DLGAP5: variants seen among roughly 807,000 people sequenced by gnomAD.
DLGAP5 encodes the protein DLG associated protein 5.
DLGAP5 carries 90 observed loss-of-function variants against 99.6 expected under a neutral mutation model. The ratio of observed to expected loss-of-function variants is 0.90; its 90% CI spans 0.76 to 1.08. The LOEUF is 1.08. DLGAP5 is among the 50% of genes least tolerant of loss of function. DLGAP5 has a pLI of 0.00. For missense variants in DLGAP5, 1,036 were observed against 983.5 expected, an observed-to-expected ratio of 1.05 and a Z score of -0.71; for synonymous variants, 311 against 321.3, an observed-to-expected ratio of 0.97 and a Z score of 0.34.
At chr14:55,186,287 A>G (rs1244837973) in intron 2 of DLGAP5, among the ~76,000 whole-genome samples, 1 of 152,204 alleles carries the variant, frequency 6.6e-6, no homozygotes, top group Non-Finnish European at 1.5e-5. Context: ...ATAAAAATAA[A>G]ATAAAATAAA....
chr14:55,169,806 G>C (rs1882789088), intron 11 of DLGAP5, among the ~76,000 whole-genome samples: 1 of 152,118 alleles, frequency 6.6e-6, no homozygotes, highest in Non-Finnish European at 1.5e-5. Context: ...TCTACTTCTT[G>C]TTGTACTTTA....
chr14:55,156,582 C>T (rs911723461), intron 14 of DLGAP5, among the ~76,000 whole-genome samples: 2 of 152,016 alleles, frequency 1.3e-5, no homozygotes, highest in Non-Finnish European at 2.9e-5. Flanking sequence ...AGAAGGGCCC[C>T]GAAAGTAAAG....
In DLGAP5 at chr14:55,177,248, G is replaced by A. The variant is rs771682040; in HGVS notation, c.863C>T (p.Ser288Leu). 1 of 1,613,228 alleles carries A rather than the reference G, an allele frequency of 6.2e-7. No individual in the cohort carries two copies. The highest frequency in any genetic ancestry group is 8.5e-7 in the Non-Finnish European group (1 of 1,179,696). Residue 288 changes from serine (S) to leucine (L), a missense_variant, in exon 8 of 19, where the codon TCA becomes TTA. Physicochemically the swap from Ser to Leu is moderately radical, Grantham distance 145. Transcript: ENST00000247191. ...TATCTCAGGTAAGTTTTCCATTTTT[G>A]ATAAGACTCCATCTGGATTCATTCC... ...TSGMNPDGVL[S>L]KMENLPEINT...
chr14:55,183,047 C>A (rs1883325535), intron 3 of DLGAP5, among the ~76,000 whole-genome samples: 1 of 152,008 alleles, frequency 6.6e-6, no homozygotes, highest in Non-Finnish European at 1.5e-5. Context: ...TTTCAATTTC[C>A]TTTACCCCTC....
chr14:55,148,677 G>T, intron 18 of DLGAP5: 1 of 968,480 alleles, frequency 1.0e-6, no homozygotes, highest in Non-Finnish European at 1.6e-6. Context: ...AACATAGCAA[G>T]ATCCCACCTC....
At chr14:55,148,530 ATTC>A in intron 18 of DLGAP5, 57 bp from the exon 19 acceptor site, 1 of 1,612,226 alleles carries the variant, frequency 6.2e-7, no homozygotes, top group Non-Finnish European at 8.5e-7. Flanking sequence ...TCACCAATTA[ATTC>A]TTCAACATTC....
At chr14:55,169,627 T>C (rs1265298664) in intron 11 of DLGAP5, 68 bp from the exon 12 acceptor site, 32 of 1,334,016 alleles carry the variant, frequency 2.4e-5, no homozygotes, top group Non-Finnish European at 3.2e-5. Flanking sequence ...GTCAGCCCAC[T>C]GATAAGACTT....
At chr14:55,165,059 G>T (rs113773209) in intron 12 of DLGAP5, among the ~76,000 whole-genome samples, 8,728 of 151,986 alleles carry the variant, frequency 0.057, 319 homozygotes, top group South Asian at 0.091. Flanking sequence ...TCTCATAAGG[G>T]ACTTTTATCC....
At chr14:55,171,659 TA>T (rs1882863687) in intron 10 of DLGAP5, among the ~76,000 whole-genome samples, 2 of 152,280 alleles carry the variant, frequency 1.3e-5, no homozygotes, top group South Asian at 4.1e-4. Context: ...CTCAAAGAGG[TA>T]TTTGTACACC....
rs577455918 is a variant in DLGAP5, at chr14:55,163,162, A to C, written c.1549-87T>G. 252 of 679,478 alleles carry C rather than the reference A, an allele frequency of 3.7e-4. 5 individuals carry two copies. In the South Asian group the frequency reaches 7.1e-3, roughly 19 times the overall value. The allele number at this position is 679,478 out of a possible 1,614,324, so 42.1% of individuals were successfully genotyped here. A position where few individuals can be genotyped will look rare whatever the true frequency, so the allele number is the denominator to read the frequency against. On this transcript the variant is annotated intron_variant, in intron 12 of 18. Transcript: ENST00000247191. Reference sequence around the variant, plus strand: ...AGCTGAAGACTAAAAAAAAATTAAAAATAGTGATTCAGAAATGATGAGTTA... The same window carrying C: ...AGCTGAAGACTAAAAAAAAATTAAACATAGTGATTCAGAAATGATGAGTTA...
chr14:55,165,454 T>C (rs113547579), intron 12 of DLGAP5, among the ~76,000 whole-genome samples: 212 of 151,590 alleles, frequency 1.4e-3, no homozygotes, highest in African/African-American at 4.6e-3. Context: ...GCCCAGGAAG[T>C]GGAGGTTGCA....
In DLGAP5 at chr14:55,178,627, G is replaced by T. The variant is rs1395578981; in HGVS notation, c.774+1002C>A. 3.3e-5 allele frequency among the ~76,000 whole-genome samples: 5 copies of T among 152,342 alleles called. No individual in the cohort carries two copies. The South Asian group carries it at 1.0e-3, about 32-fold the overall frequency. Reference sequence around the variant, plus strand: ...AATCCTTAAGGGTTAATCTTAAGGGGGGACCTATAAGGTCCAGCTGCTTTA... The same window carrying T: ...AATCCTTAAGGGTTAATCTTAAGGGTGGACCTATAAGGTCCAGCTGCTTTA... On this transcript the variant is annotated intron_variant, in intron 7 of 18. Transcript: ENST00000247191.
At position 55,176,018 on chromosome 14, in the gene DLGAP5, A is replaced by T. The variant is rs1344536225; in HGVS notation, c.1050T>A (p.Val350=). Residue 350 remains valine, a splice_region_variant and synonymous_variant, in exon 9 of 19, where the codon GTT becomes GTA. Coordinates refer to ENST00000247191, the MANE Select transcript of DLGAP5 (RefSeq NM_014750.5). ...TTTCTTTTGTTGCTTGAGACTCATC[A>T]CTAAAAACAATAGCAAAAATATACT... ...SYTWTPLKTE[V]DESQATKEIL... 25 of 1,600,926 alleles carry T rather than the reference A, an allele frequency of 1.6e-5. No individual in the cohort carries two copies. The highest frequency in any genetic ancestry group is 2.1e-5 in the Non-Finnish European group (25 of 1,173,182).
chr14:55,180,571 G>A, intron 6 of DLGAP5, 85 bp downstream of exon 6: 1 of 1,566,346 alleles, frequency 6.4e-7, no homozygotes, highest in Non-Finnish European at 8.7e-7. Context: ...ACTCAAAGAA[G>A]TACTTGTTGA....
intron 1 of DLGAP5, among the ~76,000 whole-genome samples, chr14:55,190,594 G>T (rs1883580716): frequency 6.6e-6 from 1 of 152,120 alleles, no homozygotes; most frequent in South Asian, 2.1e-4. Flanking sequence ...ACACACTATG[G>T]TATATTCTTC....
chr14:55,168,818 T>C (rs1882738731), intron 12 of DLGAP5, among the ~76,000 whole-genome samples: 1 of 152,132 alleles, frequency 6.6e-6, no homozygotes, highest in Admixed American at 6.6e-5. Flanking sequence ...TTGACTCATT[T>C]CTCACAGGTC....
At chr14:55,149,818 G>C (rs187256524) in intron 18 of DLGAP5, among the ~76,000 whole-genome samples, 61 of 28,590 alleles carry the variant, frequency 2.1e-3, no homozygotes, top group African/African-American at 3.8e-3. Flanking sequence ...ATCGGGGCGG[G>C]GGGGGGGCAT....
chr14:55,162,932 TAA>T (rs752014944), intron 13 of DLGAP5, 37 bp downstream of exon 13: 1,332 of 951,582 alleles, frequency 1.4e-3, no homozygotes, highest in South Asian at 2.6e-3. Context: ...GTTCCTTAAC[TAA>T]AAAAAAAAAA....
intron 1 of DLGAP5, among the ~76,000 whole-genome samples, chr14:55,190,289 TACACAC>T (rs142940996): frequency 1.8e-4 from 27 of 147,416 alleles, no homozygotes; most frequent in South Asian, 2.2e-4. Context: ...AGAAAAGCCA[TACACAC>T]ACACACACAC....
Sources: gnomAD v4.1 joint callset for allele counts (sites outside exome capture counted in the v4.1 genomes callset) on GRCh38, gnomAD v4.1.1 for gene constraint, MANE v1.5 for transcripts, NCBI Gene and HGNC (gene_info 2026-07-23, HGNC 2026-07-21) for gene names.